The following ARHGEF10 variants were observed in gnomAD, a reference collection of about 807,000 sequenced individuals.
ARHGEF10 encodes the protein Rho guanine nucleotide exchange factor 10, also known as Rho guanine nucleotide exchange factor (GEF) 10.
ARHGEF10 carries 140 observed loss-of-function variants against 147.4 expected under a neutral mutation model. The ratio of observed to expected loss-of-function variants is 0.95; its 90% CI spans 0.83 to 1.09. The LOEUF (loss-of-function observed/expected upper bound fraction) is 1.09. Among genes scored for constraint, ARHGEF10 ranks in the 50% least tolerant of loss-of-function variants. The pLI is 0.00. For synonymous variants in ARHGEF10, 902 were observed against 695.8 expected (o/e 1.30, Z -4.67); for missense variants, 2,222 against 1,752.7 (o/e 1.27, Z -4.78).
chr8:1,879,385 G>A (rs578054348), intron 8 of ARHGEF10, among the ~76,000 whole-genome samples: 2 of 152,204 alleles, frequency 1.3e-5, no homozygotes, highest in South Asian at 2.1e-4. Flanking sequence ...ATGATTTTAT[G>A]TATTTTTATT....
intron 23 of ARHGEF10, 71 bp from the exon 24 acceptor site, chr8:1,928,356 G>A: frequency 7.0e-6 from 10 of 1,423,970 alleles, no homozygotes; most frequent in Non-Finnish European, 9.9e-6. Context: ...GCCTTTAAGG[G>A]TCAGGTTCCA....
intron 28 of ARHGEF10, 104 bp downstream of exon 28, chr8:1,952,931 C>A: frequency 6.7e-7 from 1 of 1,495,046 alleles, no homozygotes; most frequent in Non-Finnish European, 9.2e-7. Context: ...TTAAACAATT[C>A]ATATTATCTG....
chr8:1,909,236 C>G (rs1263807534), intron 17 of ARHGEF10, 59 bp from the exon 18 acceptor site: 11 of 1,607,188 alleles, frequency 6.8e-6, no homozygotes, highest in Non-Finnish European at 9.4e-6. Context: ...GAGGGATGAA[C>G]ATTACCATAA....
chr8:1,876,356 G>A lies in ARHGEF10; in HGVS notation c.680-215G>A, dbSNP rs894514617. ...GGGGCACTTGTGAGAAACACCTGAAGTGCTTTTCCCCAGCCTCCCCGGCCC... is the reference window on the plus strand; with the variant it reads ...GGGGCACTTGTGAGAAACACCTGAAATGCTTTTCCCCAGCCTCCCCGGCCC... On this transcript the variant is annotated intron_variant, in intron 7 of 28. Transcript: ENST00000349830. 2.5e-5 allele frequency: 15 copies of A among 604,860 alleles called. No homozygotes were observed. The African/African-American group carries it at 2.8e-4, about 11-fold the overall frequency. The allele number at this position is 604,860 out of a possible 1,614,324, so 37.5% of individuals were successfully genotyped here. A position where few individuals can be genotyped will look rare whatever the true frequency, so the allele number is the denominator to read the frequency against.
At position 1,929,444 on chromosome 8, in the gene ARHGEF10, G is replaced by T; in HGVS notation, c.3079+1G>T. ...GTCGCCAGCTACGCCAGAGCCCCAG[G>T]TGAGGCGGGTCTCACGGCCTCCTGG... On this transcript the variant is annotated splice_donor_variant, in intron 25 of 28. Transcript: ENST00000349830. LOFTEE classifies it high-confidence loss of function. 1 of 1,605,090 alleles carries T rather than the reference G, an allele frequency of 6.2e-7. No individual in the cohort carries two copies. Among genetic ancestry groups the T allele is most frequent in the Non-Finnish European group, 8.5e-7 (1 of 1,175,472 alleles).
chr8:1,953,509 G>A (rs1563336257), intron 28 of ARHGEF10, among the ~76,000 whole-genome samples: 1 of 152,284 alleles, frequency 6.6e-6, no homozygotes, highest in Non-Finnish European at 1.5e-5. Context: ...GTTAGGGATT[G>A]GAGGCCTTAA....
At chr8:1,840,496 G>A (rs1333864776) in intron 1 of ARHGEF10, among the ~76,000 whole-genome samples, 1 of 145,894 alleles carries the variant, frequency 6.9e-6, no homozygotes, top group Non-Finnish European at 1.5e-5. Flanking sequence ...GAAGCTGTCC[G>A]GTGTGGGGAC....
intron 16 of ARHGEF10, 24 bp downstream of exon 16, chr8:1,903,475 C>T: frequency 1.9e-6 from 3 of 1,613,214 alleles, no homozygotes; most frequent in Non-Finnish European, 2.5e-6. Context: ...TTCTTCAACT[C>T]TATTCCAAAA....
At chr8:1,885,579 G>T in intron 10 of ARHGEF10, 22 bp from the exon 11 acceptor site, 4 of 1,505,374 alleles carry the variant, frequency 2.7e-6, no homozygotes, top group Non-Finnish European at 2.8e-6. Flanking sequence ...TAAAATTCAT[G>T]CATTTTGACT....
intron 2 of ARHGEF10, among the ~76,000 whole-genome samples, 198 bp downstream of exon 2, chr8:1,843,634 C>T (rs1804269543): frequency 6.6e-6 from 1 of 152,218 alleles, no homozygotes; most frequent in Admixed American, 6.5e-5. Context: ...CCTGGGTGAG[C>T]CTCTTGCGTT....
chr8:1,909,731 C>T (rs548595245), intron 18 of ARHGEF10, among the ~76,000 whole-genome samples: 6 of 152,240 alleles, frequency 3.9e-5, no homozygotes, highest in Admixed American at 6.5e-5. Context: ...GAAGTGGATT[C>T]CGTCTTCCCG....
intron 14 of ARHGEF10, among the ~76,000 whole-genome samples, chr8:1,897,969 A>C (rs867444793): frequency 6.6e-5 from 10 of 152,042 alleles, no homozygotes; most frequent in Non-Finnish European, 1.3e-4. Context: ...CAGCAGAGGG[A>C]CCTGGAGACT....
At chr8:1,881,325 G>T (rs1346403789) in intron 9 of ARHGEF10, among the ~76,000 whole-genome samples, 1 of 152,180 alleles carries the variant, frequency 6.6e-6, no homozygotes, top group Non-Finnish European at 1.5e-5. Context: ...TCAGTTTGCA[G>T]TTCTCTGATA....
intron 1 of ARHGEF10, among the ~76,000 whole-genome samples, chr8:1,829,353 T>G (rs866541396): frequency 3.3e-4 from 50 of 152,344 alleles, no homozygotes; most frequent in African/African-American, 1.0e-3. Flanking sequence ...ATGGAACCAG[T>G]GGGACGTGGT....
intron 2 of ARHGEF10, among the ~76,000 whole-genome samples, chr8:1,846,189 C>G (rs1804551030): frequency 6.6e-6 from 1 of 152,262 alleles, no homozygotes; most frequent in South Asian, 2.1e-4. Flanking sequence ...GCCCAGCCCT[C>G]TGGCGGGTTG....
intron 1 of ARHGEF10, among the ~76,000 whole-genome samples, chr8:1,838,099 G>A (rs1803698283): frequency 1.3e-5 from 2 of 152,130 alleles, no homozygotes; most frequent in South Asian, 2.1e-4. Context: ...CCTGTTCCCC[G>A]AGGTCCTGGT....
At chr8:1,932,398 C>G (rs1813221375) in intron 25 of ARHGEF10, among the ~76,000 whole-genome samples, 1 of 152,172 alleles carries the variant, frequency 6.6e-6, no homozygotes, top group Non-Finnish European at 1.5e-5. Flanking sequence ...GTGTGTGTCC[C>G]TGTGTGCATG....
rs3779700 is a variant in ARHGEF10, at chr8:1,883,648, C to T, written c.1075+899C>T. On this transcript the variant is annotated intron_variant, in intron 10 of 28. Transcript: ENST00000349830. The stretch of plus-strand genomic sequence containing the variant: ...AGGTGGGGGTAAGCTGTCAGCATCC[C>T]CGAGGGGTTTATTTGGTGATGGAGA... Among the ~76,000 whole-genome samples, 383 of 152,208 alleles carry T rather than the reference C, an allele frequency of 2.5e-3. 5 individuals carry two copies. In the East Asian group the frequency reaches 0.064, roughly 25 times the overall value.
At chr8:1,844,203 G>A (rs1003695473) in intron 2 of ARHGEF10, among the ~76,000 whole-genome samples, 1 of 152,180 alleles carries the variant, frequency 6.6e-6, no homozygotes, top group African/African-American at 2.4e-5. Context: ...GGCACTGTGG[G>A]TGTGGGTCTT....
Sources: gnomAD v4.1 joint callset for allele counts (sites outside exome capture counted in the v4.1 genomes callset) on GRCh38, gnomAD v4.1.1 for gene constraint, MANE v1.5 for transcripts, NCBI Gene and HGNC (gene_info 2026-07-23, HGNC 2026-07-21) for gene names.